The following LAIR1 variants were observed in gnomAD, a reference collection of about 807,000 sequenced individuals.
LAIR1 encodes the protein leukocyte-associated immunoglobulin-like receptor 1.
Under a neutral mutation model 32.8 loss-of-function variants are expected in LAIR1, and 24 were observed. The observed-to-expected ratio is 0.73, with a 90% CI of 0.53 to 1.03. LAIR1 has a LOEUF of 1.03. LAIR1 is among the 50% of genes least tolerant of loss of function. The probability of loss-of-function intolerance (pLI) is 0.00; values close to 1 mark genes in which losing one functional copy is unlikely to be tolerated. For missense variants in LAIR1, 355 were observed against 347.5 expected, an observed-to-expected ratio of 1.02 and a Z score of -0.17; for synonymous variants, 150 against 140.5, an observed-to-expected ratio of 1.07 and a Z score of -0.48.
In LAIR1 at chr19:54,355,441, G is replaced by A; in HGVS notation, c.718-27C>T. 6.4e-7 allele frequency: 1 copy of A among 1,570,338 alleles called. No homozygotes were observed. Among genetic ancestry groups the A allele is most frequent in the Non-Finnish European group, 8.6e-7 (1 of 1,158,704 alleles). ...TAAGAGGGAGAGACCCAGGGTGAGG[G>A]AGTGCCTGGTGGAGGGTGAGACGAG... On this transcript the variant is annotated intron_variant, in intron 9 of 9. Transcript: ENST00000391742. This position sits in a 1 kb window ranked among gnomAD's most constrained non-coding sequence, Gnocchi z 4.7.
At position 54,355,863 on chromosome 19, in the gene LAIR1, C is replaced by T; in HGVS notation, c.717+91G>A. 2.2e-6 allele frequency: 2 copies of T among 908,776 alleles called. No individual in the cohort carries two copies. Among genetic ancestry groups the T allele is most frequent in the Non-Finnish European group, 3.7e-6 (2 of 545,722 alleles). 56.3% of individuals were successfully genotyped at this position (908,776 alleles called of 1,614,324 possible). A position where few individuals can be genotyped will look rare whatever the true frequency, so the allele number is the denominator to read the frequency against. On this transcript the variant is annotated intron_variant, in intron 9 of 9. Coordinates refer to ENST00000391742, the MANE Select transcript of LAIR1 (RefSeq NM_002287.6). This position sits in a 1 kb window ranked among gnomAD's most constrained non-coding sequence, Gnocchi z 4.7. ...CAGGCCGTGAGCCGGAACCGCCCAG[C>T]TGAGCCACTCCTGAATTCCTAACCC...
upstream of LAIR1, chr19:54,365,057 C>T (rs374540117): frequency 2.7e-5 from 37 of 1,386,404 alleles, no homozygotes; most frequent in African/African-American, 3.5e-4. Context: ...GGCAGATGAC[C>T]GTAAACTAGT....
chr19:54,371,530 C>G (rs1188252183), upstream of LAIR1, among the ~76,000 whole-genome samples: 1 of 151,426 alleles, frequency 6.6e-6, no homozygotes, highest in Non-Finnish European at 1.5e-5. Context: ...AACTCCTGCC[C>G]TCAGGTGATC....
chr19:54,366,925 G>A (rs1020979981), upstream of LAIR1, among the ~76,000 whole-genome samples: 1 of 152,126 alleles, frequency 6.6e-6, no homozygotes, highest in African/African-American at 2.4e-5. Context: ...GTAAAAGTTC[G>A]AAAAATTTGC....
chr19:54,373,259 G>A (rs745958942), upstream of LAIR1, among the ~76,000 whole-genome samples: 40 of 151,188 alleles, frequency 2.6e-4, no homozygotes, highest in South Asian at 1.5e-3. Flanking sequence ...TGGCCAACAC[G>A]GTGAAACCCC....
At chr19:54,356,839 A>C in intron 5 of LAIR1, 89 bp downstream of exon 5, 1 of 1,509,704 alleles carries the variant, frequency 6.6e-7, no homozygotes, top group Non-Finnish European at 9.1e-7. Context: ...TTGGCAGAGC[A>C]GGAATCTGAT....
upstream of LAIR1, among the ~76,000 whole-genome samples, chr19:54,375,106 G>C (rs1477553565): frequency 1.3e-5 from 2 of 152,170 alleles, no homozygotes; most frequent in South Asian, 4.1e-4. Context: ...TAAGCTCTTG[G>C]TCCCAGCCTG....
At chr19:54,374,318 G>A (rs147778669), upstream of LAIR1, among the ~76,000 whole-genome samples, 11 of 152,268 alleles carry the variant, frequency 7.2e-5, no homozygotes, top group South Asian at 2.1e-4. Context: ...ACCCATGCAC[G>A]TCTTAGCTAA....
rs2081627286 is a variant in LAIR1 at position 54,354,886 on chromosome 19, G to A, written c.*382C>T. 5.4e-6 allele frequency: 1 copy of A among 186,630 alleles called. No individual in the cohort carries two copies. The highest frequency in any genetic ancestry group is 1.1e-5 in the Non-Finnish European group (1 of 91,108). 11.6% of individuals were successfully genotyped at this position (186,630 alleles called of 1,614,324 possible). A position where few individuals can be genotyped will look rare whatever the true frequency, so the allele number is the denominator to read the frequency against. Reference sequence around the variant, plus strand: ...GACACCTAGGACAAGCTTGGAGGTGGCATCACTGCTCAGGAAATCGGCTGA... The same window carrying A: ...GACACCTAGGACAAGCTTGGAGGTGACATCACTGCTCAGGAAATCGGCTGA... On this transcript the variant is annotated 3_prime_UTR_variant, in exon 10 of 10. Coordinates refer to ENST00000391742, the MANE Select transcript of LAIR1 (RefSeq NM_002287.6).
rs1601304488 is a variant in LAIR1, at chr19:54,361,093, C to T, written c.187G>A (p.Asp63Asn). ...GTATCATTGTATGTGGATCTACTGTCCCTCTCCAGGCGGAATGTTTGAACC... is the reference window on the plus strand; with the variant it reads ...GTATCATTGTATGTGGATCTACTGTTCCTCTCCAGGCGGAATGTTTGAACC... ...VGVQTFRLER[D>N]SRSTYNDTED... Residue 63 changes from aspartate (D) to asparagine (N), a missense_variant, in exon 3 of 10, where the codon GAC becomes AAC. Physicochemically the swap from Asp to Asn is conservative, Grantham distance 23. Transcript: ENST00000391742. The T allele has an allele frequency of 8.1e-6, 13 of 1,614,154 alleles. No homozygotes were observed. The highest frequency in any genetic ancestry group is 1.1e-5 in the Non-Finnish European group (13 of 1,179,992).
At position 54,361,054 on chromosome 19, in the gene LAIR1, G is replaced by A. The variant is rs2081996421; in HGVS notation, c.226C>T (p.Gln76Ter). 6.2e-7 allele frequency: 1 copy of A among 1,614,128 alleles called. No homozygotes were observed. Among genetic ancestry groups the A allele is most frequent in the African/African-American group, 1.3e-5 (1 of 74,946 alleles). ...GCCTCTGACTCAGATGGACTAGCTT[G>A]AGACACATCTTCAGTATCATTGTAT... is the stretch of plus-strand genomic sequence containing the variant. ...STYNDTEDVS[Q>*]ASPSESEARF... The change falls in exon 3 of 10, where the codon CAA becomes TAA. Residue 76 changes from glutamine (Q) to a stop codon, truncating the protein, a stop_gained. Transcript: ENST00000391742. LOFTEE classifies it high-confidence loss of function.
rs2082377388 is a variant in LAIR1 at position 54,370,472 on chromosome 19, A to G, written c.-195T>C. 6 of 479,042 alleles carry G rather than the reference A, an allele frequency of 1.3e-5. No individual in the cohort carries two copies. The South Asian group carries it at 1.5e-4, about 12-fold the overall frequency. The allele number at this position is 479,042 out of a possible 1,614,324, so 29.7% of individuals were successfully genotyped here. ...TGTGGAGAGACCAGGTCCTCGGAACAGTATTTTAACCTTGTCCTCCTTTCC... is the reference window on the plus strand; with the variant it reads ...TGTGGAGAGACCAGGTCCTCGGAACGGTATTTTAACCTTGTCCTCCTTTCC... On this transcript the variant is annotated 5_prime_UTR_variant, in exon 1 of 9. Coordinates refer to the LAIR1 transcript ENST00000391743.
At chr19:54,361,940 C>G (rs2082046315) in intron 2 of LAIR1, among the ~76,000 whole-genome samples, 1 of 151,770 alleles carries the variant, frequency 6.6e-6, no homozygotes, top group Admixed American at 6.6e-5. Context: ...GTTTGACGCC[C>G]TGAAACAGGA....
chr19:54,356,860 G>T, intron 5 of LAIR1, 68 bp downstream of exon 5: 3 of 1,581,816 alleles, frequency 1.9e-6, no homozygotes, highest in East Asian at 4.5e-5. Context: ...CAACCCCAAA[G>T]CCTGACCTCT....
At chr19:54,365,518 C>T (rs2082224277), upstream of LAIR1, among the ~76,000 whole-genome samples, 1 of 152,192 alleles carries the variant, frequency 6.6e-6, no homozygotes, top group African/African-American at 2.4e-5. Flanking sequence ...AGGCCAGGCG[C>T]AGTGGCTCAC....
rs1467700760 is a variant in LAIR1, at chr19:54,364,346, C to T, written c.35-16G>A. ...AGGCAGAGCACTGGAAGAGAAGCCC[C>T]AGTGAGAAAAATGCCCAGTGCCCAG... On this transcript the variant is annotated splice_polypyrimidine_tract_variant and intron_variant, in intron 1 of 9. Coordinates refer to ENST00000391742, the MANE Select transcript of LAIR1 (RefSeq NM_002287.6). The surrounding 1 kb of genome is among the most constrained non-coding windows in gnomAD (Gnocchi z 4.8). 3 of 1,613,872 alleles carry T rather than the reference C, an allele frequency of 1.9e-6. No individual in the cohort carries two copies. The highest frequency in any genetic ancestry group is 1.3e-5 in the African/African-American group (1 of 74,980).
In LAIR1 at chr19:54,360,927, A is replaced by C. The variant is rs540022102; in HGVS notation, c.353T>G (p.Leu118Arg). ...KWSEQSDYLE[L>R]LVKESSGGPD... is the part of the protein sequence containing the mutation. ...GGTGACGTCCTCACCTTTCACCAGC[A>C]GCTCCAGGTAGTCACTCTGCTCAGA... The change falls in exon 3 of 10, where the codon CTG becomes CGG. Residue 118 changes from leucine to arginine, a missense_variant. By Grantham distance (102) the Leu-to-Arg change is moderately radical (BLOSUM62 -2). Transcript: ENST00000391742. 6.8e-6 allele frequency: 11 copies of C among 1,611,972 alleles called. No individual in the cohort carries two copies. The highest frequency in any genetic ancestry group is 9.3e-6 in the Non-Finnish European group (11 of 1,178,300).
At chr19:54,372,675 A>G (rs1431664177), upstream of LAIR1, among the ~76,000 whole-genome samples, 1 of 150,444 alleles carries the variant, frequency 6.6e-6, no homozygotes, top group Non-Finnish European at 1.5e-5. Flanking sequence ...TTTTTAGTAC[A>G]GACGGGGTTT....
chr19:54,368,736 C>T (rs1457813709), upstream of LAIR1: 1 of 151,668 alleles, frequency 6.6e-6, no homozygotes, highest in Admixed American at 6.6e-5. Flanking sequence ...CTGAGTTTCA[C>T]TCTTGTTGCC....
Sources: allele counts gnomAD v4.1 joint callset (sites outside exome capture counted in the v4.1 genomes callset), GRCh38; gene constraint gnomAD v4.1.1; non-coding constraint Gnocchi (gnomAD v3.1); transcripts MANE v1.5; gene names NCBI Gene and HGNC (gene_info 2026-07-23, HGNC 2026-07-21).